PPP1R9A: variants seen among roughly 807,000 people sequenced by gnomAD.
PPP1R9A encodes the protein protein phosphatase 1 regulatory subunit 9A.
In PPP1R9A, 59 loss-of-function variants were observed where a neutral mutation model predicts 141.9. That is an observed-to-expected ratio of 0.42 (90% CI 0.34 to 0.52). The LOEUF (loss-of-function observed/expected upper bound fraction) is 0.52, where lower values mean the gene tolerates loss of function less well. Among genes scored for constraint, PPP1R9A ranks in the 20% least tolerant of loss-of-function variants. PPP1R9A has a pLI of 0.10. For missense variants in PPP1R9A, 1,444 were observed against 1,611.9 expected, an observed-to-expected ratio of 0.90 and a Z score of 1.78; for synonymous variants, 500 against 569.7, an observed-to-expected ratio of 0.88 and a Z score of 1.74.
intron 4 of PPP1R9A, among the ~76,000 whole-genome samples, chr7:95,133,301 T>C (rs866543083): frequency 2.7e-4 from 41 of 152,022 alleles, no homozygotes; most frequent in Non-Finnish European, 2.4e-4. Flanking sequence ...TAAACTGTCT[T>C]TGGCTTGTAG....
chr7:95,065,767 C>T (rs905659318), intron 2 of PPP1R9A, among the ~76,000 whole-genome samples: 2 of 151,876 alleles, frequency 1.3e-5, no homozygotes, highest in African/African-American at 4.8e-5. Flanking sequence ...ATCACTCCCA[C>T]AGAACAATAA....
At chr7:95,255,625 T>A (rs940797872) in intron 12 of PPP1R9A, among the ~76,000 whole-genome samples, 9 of 152,090 alleles carry the variant, frequency 5.9e-5, no homozygotes, top group Non-Finnish European at 1.0e-4. Flanking sequence ...GTATATGATT[T>A]GTGGGATCAA....
intron 2 of PPP1R9A, among the ~76,000 whole-genome samples, chr7:94,931,083 T>C (rs1354587777): frequency 6.6e-6 from 1 of 152,206 alleles, no homozygotes; most frequent in East Asian, 1.9e-4. Flanking sequence ...CCAGCTGTTG[T>C]TTTGCCCTCT....
intron 8 of PPP1R9A, 55 bp from the exon 9 acceptor site, chr7:95,247,418 A>G: frequency 1.4e-6 from 2 of 1,446,896 alleles, no homozygotes; most frequent in South Asian, 1.2e-5. Flanking sequence ...CTGAGGCTTT[A>G]CAAATATAGA....
intron 2 of PPP1R9A, among the ~76,000 whole-genome samples, chr7:94,978,649 C>T (rs1014101144): frequency 9.9e-5 from 15 of 152,090 alleles, no homozygotes; most frequent in Admixed American, 4.6e-4. Context: ...AAACACCAGT[C>T]ATATTTAGAA....
chr7:94,924,379 C>T (rs574027818), intron 2 of PPP1R9A, among the ~76,000 whole-genome samples: 2 of 152,242 alleles, frequency 1.3e-5, no homozygotes, highest in African/African-American at 4.8e-5. Flanking sequence ...TGAGTAGTAG[C>T]ATTAGTGAAC....
chr7:94,992,531 A>G (rs895352063), intron 2 of PPP1R9A, among the ~76,000 whole-genome samples: 5 of 152,222 alleles, frequency 3.3e-5, no homozygotes. Context: ...GTTTACTTTT[A>G]AAGAAACTGC....
At chr7:95,148,526 T>A (rs1828054596) in intron 4 of PPP1R9A, among the ~76,000 whole-genome samples, 1 of 151,986 alleles carries the variant, frequency 6.6e-6, no homozygotes, top group South Asian at 2.1e-4. Flanking sequence ...AATAGGCCTA[T>A]ATCTAGTAGA....
At chr7:95,111,557 T>C (rs1323079348) in intron 3 of PPP1R9A, among the ~76,000 whole-genome samples, 166 bp downstream of exon 3, 1 of 152,154 alleles carries the variant, frequency 6.6e-6, no homozygotes, top group South Asian at 2.1e-4. Context: ...TCTGAGTAGA[T>C]GGTGGATTGA....
intron 4 of PPP1R9A, among the ~76,000 whole-genome samples, chr7:95,137,147 CAT>C: frequency 6.6e-6 from 1 of 151,734 alleles, no homozygotes; most frequent in Non-Finnish European, 1.5e-5. Context: ...AGGTTTGTTA[CAT>C]ATGTATACGT....
At chr7:94,923,422 T>C (rs1265843517) in intron 2 of PPP1R9A, among the ~76,000 whole-genome samples, 1 of 152,210 alleles carries the variant, frequency 6.6e-6, no homozygotes, top group Non-Finnish European at 1.5e-5. Flanking sequence ...CTCAACAGGC[T>C]TGCTCTCTGT....
intron 5 of PPP1R9A, among the ~76,000 whole-genome samples, chr7:95,162,297 C>T (rs1316570308): frequency 6.6e-6 from 1 of 152,078 alleles, no homozygotes; most frequent in Non-Finnish European, 1.5e-5. Context: ...TTAAGGAAAA[C>T]AGTTATACAA....
intron 2 of PPP1R9A, among the ~76,000 whole-genome samples, chr7:95,107,954 T>C (rs1002836334): frequency 1.3e-5 from 2 of 152,146 alleles, no homozygotes; most frequent in Non-Finnish European, 2.9e-5. Context: ...TCACTTAGTT[T>C]TATAGAGAGA....
intron 2 of PPP1R9A, among the ~76,000 whole-genome samples, chr7:95,107,631 G>A (rs1205080037): frequency 6.6e-6 from 1 of 152,064 alleles, no homozygotes; most frequent in African/African-American, 2.4e-5. Context: ...TAGAAAAGGA[G>A]TGGAACAGAA....
chr7:95,001,956 G>C (rs1279208555), intron 2 of PPP1R9A, among the ~76,000 whole-genome samples: 4 of 152,158 alleles, frequency 2.6e-5, no homozygotes, highest in Admixed American at 1.3e-4. Context: ...TCTTTGAAAT[G>C]TTTTAGTGTT....
chr7:95,070,427 GAA>G (rs1276939360), intron 2 of PPP1R9A, among the ~76,000 whole-genome samples: 1 of 151,668 alleles, frequency 6.6e-6, no homozygotes, highest in Non-Finnish European at 1.5e-5. Flanking sequence ...AGTTTCCCTT[GAA>G]ATTATTTAGT....
At chr7:95,047,177 T>G (rs917721420) in intron 2 of PPP1R9A, among the ~76,000 whole-genome samples, 4 of 152,210 alleles carry the variant, frequency 2.6e-5, no homozygotes, top group Admixed American at 6.5e-5. Flanking sequence ...GCCCCAAGAT[T>G]AAAGTCAGCA....
chr7:95,221,817 T>A (rs1794500703), intron 7 of PPP1R9A, among the ~76,000 whole-genome samples: 1 of 152,072 alleles, frequency 6.6e-6, no homozygotes, highest in Non-Finnish European at 1.5e-5. Context: ...AGTAATTTCA[T>A]ACACTATATG....
At chr7:94,956,332 G>A (rs561184992) in intron 2 of PPP1R9A, among the ~76,000 whole-genome samples, 3 of 152,046 alleles carry the variant, frequency 2.0e-5, no homozygotes, top group Non-Finnish European at 4.4e-5. Context: ...AAAAACCTGC[G>A]TGCCATAGAA....
Sources: gnomAD v4.1 joint callset for allele counts (sites outside exome capture counted in the v4.1 genomes callset) on GRCh38, gnomAD v4.1.1 for gene constraint, MANE v1.5 for transcripts, NCBI Gene and HGNC (gene_info 2026-07-23, HGNC 2026-07-21) for gene names.